The following PRDM16 variants were observed in gnomAD, a reference collection of about 807,000 sequenced individuals.
PRDM16 encodes the protein histone-lysine N-methyltransferase PRDM16.
PRDM16 carries 23 observed loss-of-function variants against 110.6 expected under a neutral mutation model. The observed-to-expected ratio is 0.21, with a 90% confidence interval of 0.15 to 0.29. The LOEUF (loss-of-function observed/expected upper bound fraction) is 0.29, where lower values mean the gene tolerates loss of function less well. PRDM16 is among the 10% of genes least tolerant of loss of function. The pLI is 1.00. For missense variants in PRDM16, 1,615 were observed against 1,794.3 expected, an observed-to-expected ratio of 0.90 and a Z score of 1.81; for synonymous variants, 799 against 781.8, an observed-to-expected ratio of 1.02 and a Z score of -0.37.
rs2100709963 is a variant in PRDM16 at position 3,434,939 on chromosome 1, T to G, written c.*1128T>G. 4.3e-6 allele frequency: 1 copy of G among 230,606 alleles called. No homozygotes were observed. Among genetic ancestry groups the G allele is most frequent in the African/African-American group, 2.2e-5 (1 of 45,312 alleles). The allele number at this position is 230,606 out of a possible 1,614,324, so 14.3% of individuals were successfully genotyped here. On this transcript the variant is annotated 3_prime_UTR_variant, in exon 17 of 17. Transcript: ENST00000270722. ...TGCCCTGGGGAGCAATCCCAGCGGATCGCTCCGGGCCACCAAGCCGCACCT... is the reference window on the plus strand; with the variant it reads ...TGCCCTGGGGAGCAATCCCAGCGGAGCGCTCCGGGCCACCAAGCCGCACCT...
chr1:3,089,417 G>C (rs758554218), intron 1 of PRDM16, among the ~76,000 whole-genome samples: 7 of 152,250 alleles, frequency 4.6e-5, no homozygotes, highest in Non-Finnish European at 1.0e-4. Flanking sequence ...CCATGGTTTG[G>C]GAACTCGGAG....
chr1:3,071,348 G>T (rs933147853), intron 1 of PRDM16, among the ~76,000 whole-genome samples: 1 of 152,272 alleles, frequency 6.6e-6, no homozygotes, highest in African/African-American at 2.4e-5. Flanking sequence ...TGGCCAGGAG[G>T]CCGGAGAGCC....
At chr1:3,232,685 C>T (rs949920253) in intron 2 of PRDM16, among the ~76,000 whole-genome samples, 1 of 152,166 alleles carries the variant, frequency 6.6e-6, no homozygotes, top group African/African-American at 2.4e-5. Context: ...CTGCTTCCTC[C>T]ATCCCCAGAA....
chr1:3,296,435 G>A (rs1641090986), intron 3 of PRDM16, among the ~76,000 whole-genome samples: 2 of 152,256 alleles, frequency 1.3e-5, no homozygotes, highest in Admixed American at 6.5e-5. Context: ...GCAGAGGTAG[G>A]AATGGGCACA....
rs1400768393 is a variant in PRDM16, at chr1:3,358,460, G to T, written c.439-26692G>T. On this transcript the variant is annotated intron_variant, in intron 3 of 16. Coordinates refer to ENST00000270722, the MANE Select transcript of PRDM16 (RefSeq NM_022114.4). This position sits in a 1 kb window ranked among gnomAD's most constrained non-coding sequence, Gnocchi z 4.0. The stretch of plus-strand genomic sequence containing the variant: ...CAGTGGAGGAGGTGTTGTCTCCAGA[G>T]GCAGCCGCTGCGCCCCAGACTCCCA... Among the ~76,000 whole-genome samples the T allele has an allele frequency of 6.6e-6, 1 of 152,170 alleles. No homozygotes were observed. The highest frequency in any genetic ancestry group is 6.5e-5 in the Admixed American group (1 of 15,276).
chr1:3,325,896 T>TGGCCCTCTTGGCCCTCCTTGGCCCTCCTC (rs1159414266), intron 3 of PRDM16, among the ~76,000 whole-genome samples: 4 of 147,408 alleles, frequency 2.7e-5, no homozygotes, highest in Non-Finnish European at 6.0e-5. Flanking sequence ...TGGCCATCCT[T>TGGCCCTCTTGGCCCTCCTTGGCCCTCCTC]GGCCCTCTTG....
chr1:3,077,296 C>T (rs1221233433), intron 1 of PRDM16, among the ~76,000 whole-genome samples: 1 of 152,190 alleles, frequency 6.6e-6, no homozygotes, highest in Non-Finnish European at 1.5e-5. Context: ...AGGCTCTGTT[C>T]ACCCCAACTC....
At chr1:3,322,053 G>C (rs1282720803) in intron 3 of PRDM16, among the ~76,000 whole-genome samples, 2 of 151,252 alleles carry the variant, frequency 1.3e-5, no homozygotes, top group African/African-American at 4.9e-5. Context: ...TGGAGGTCGT[G>C]TGTGTGTGGG....
intron 1 of PRDM16, among the ~76,000 whole-genome samples, chr1:3,102,630 G>T (rs1642559541): frequency 6.6e-6 from 1 of 152,220 alleles, no homozygotes; most frequent in African/African-American, 2.4e-5. Flanking sequence ...TCGGAGACAG[G>T]CTTTAATATG....
At position 3,436,271 on chromosome 1, in the gene PRDM16, C is replaced by G. The variant is rs1186305774; in HGVS notation, c.*2460C>G. On this transcript the variant is annotated 3_prime_UTR_variant, in exon 17 of 17. Coordinates refer to ENST00000270722, the MANE Select transcript of PRDM16 (RefSeq NM_022114.4). ...CGGACGGATGGAGCCCTCAGCGTGTCTTTTCAGCAGGAGCAGAACCGATGA... is the reference window on the plus strand; with the variant it reads ...CGGACGGATGGAGCCCTCAGCGTGTGTTTTCAGCAGGAGCAGAACCGATGA... 4.4e-6 allele frequency: 1 copy of G among 229,570 alleles called. No homozygotes were observed. Among genetic ancestry groups the G allele is most frequent in the Non-Finnish European group, 8.6e-6 (1 of 116,064 alleles). The allele number at this position is 229,570 out of a possible 1,614,324, so 14.2% of individuals were successfully genotyped here. A position where few individuals can be genotyped will look rare whatever the true frequency, so the allele number is the denominator to read the frequency against.
At chr1:3,327,500 G>A (rs1038934240) in intron 3 of PRDM16, among the ~76,000 whole-genome samples, 7 of 152,310 alleles carry the variant, frequency 4.6e-5, no homozygotes, top group East Asian at 1.9e-4. Flanking sequence ...CAACGGCGGC[G>A]GCCCCGGGCA....
chr1:3,112,487 C>G (rs570211422), intron 1 of PRDM16, among the ~76,000 whole-genome samples: 2 of 152,364 alleles, frequency 1.3e-5, no homozygotes. Context: ...GCAGTTTGCA[C>G]GGGAAGGCTC....
At chr1:3,087,689 G>A (rs979630153) in intron 1 of PRDM16, among the ~76,000 whole-genome samples, 16 of 152,120 alleles carry the variant, frequency 1.1e-4, no homozygotes, top group African/African-American at 3.9e-4. Flanking sequence ...ATCAATCCAG[G>A]GATGGCCGGT....
chr1:3,426,284 C>A, intron 14 of PRDM16, 59 bp downstream of exon 14: 1 of 1,488,360 alleles, frequency 6.7e-7, no homozygotes, highest in Non-Finnish European at 9.3e-7. Flanking sequence ...CCTGCGTGGC[C>A]ACCCTCAGAG....
At chr1:3,165,673 T>G (rs112682827) in intron 1 of PRDM16, among the ~76,000 whole-genome samples, 479 of 21,704 alleles carry the variant, frequency 0.022, 6 homozygotes, top group African/African-American at 0.042. Flanking sequence ...TCAGGGACAG[T>G]GACTCACCTG....
chr1:3,129,677 G>A (rs929092858), intron 1 of PRDM16, among the ~76,000 whole-genome samples: 2 of 152,194 alleles, frequency 1.3e-5, no homozygotes, highest in African/African-American at 4.8e-5. Context: ...AGGGCCCTCA[G>A]TGCCACAGGT....
intron 5 of PRDM16, among the ~76,000 whole-genome samples, chr1:3,397,626 G>A (rs992260697): frequency 2.6e-5 from 4 of 152,256 alleles, no homozygotes; most frequent in African/African-American, 9.6e-5. Flanking sequence ...GAACAGGAAC[G>A]CAAGCTCCCT....
intron 1 of PRDM16, among the ~76,000 whole-genome samples, chr1:3,099,262 C>G (rs1342642168): frequency 5.3e-5 from 8 of 152,250 alleles, no homozygotes; most frequent in Non-Finnish European, 1.2e-4. Context: ...TCCGCCACCT[C>G]CCACTGAGGG....
intron 1 of PRDM16, among the ~76,000 whole-genome samples, chr1:3,155,640 C>G (rs1482705741): frequency 6.6e-6 from 1 of 152,268 alleles, no homozygotes; most frequent in East Asian, 1.9e-4. Flanking sequence ...TCGCCTTCCC[C>G]GCTCCTGAAA....
Sources: gnomAD v4.1 joint callset for allele counts (sites outside exome capture counted in the v4.1 genomes callset) on GRCh38, gnomAD v4.1.1 for gene constraint, Gnocchi (gnomAD v3.1) non-coding constraint, MANE v1.5 for transcripts, NCBI Gene and HGNC (gene_info 2026-07-23, HGNC 2026-07-21) for gene names.